The following IGLL5 variants were observed in gnomAD, a reference collection of about 807,000 sequenced individuals.
The protein encoded by IGLL5 is immunoglobulin lambda-like polypeptide 5.
IGLL5 carries 30 observed loss-of-function variants against 20.9 expected under a neutral mutation model. The ratio of observed to expected loss-of-function variants is 1.44; its 90% CI spans 1.07 to 1.95. The LOEUF (loss-of-function observed/expected upper bound fraction) is 1.95, where lower values mean the gene tolerates loss of function less well. Among genes scored for constraint, IGLL5 ranks in the 30% most tolerant of loss-of-function variants. The pLI is 0.00. For missense variants in IGLL5, 475 were observed against 270.7 expected (o/e 1.75, Z -5.30); for synonymous variants, 203 against 117.3 (o/e 1.73, Z -4.72).
At chr22:22,894,072 T>G (rs1281289524) in intron 2 of IGLL5, among the ~76,000 whole-genome samples, 2 of 151,422 alleles carry the variant, frequency 1.3e-5, no homozygotes, top group Admixed American at 6.6e-5. Context: ...GCTCCTCCTC[T>G]CTTCCAGGGC....
chr22:22,893,875 C>G lies in IGLL5; in HGVS notation c.325+57C>G, dbSNP rs1320128955. ...TCACCCTCTGCTGTCCCTGGAAAAT[C>G]TGTTTTCTCTCTCTGGGGCTTCCTC... On this transcript the variant is annotated intron_variant, in intron 2 of 2. Transcript: ENST00000526893. 1.5e-5 allele frequency: 18 copies of G among 1,204,668 alleles called. 1 individual carries two copies. The highest frequency in any genetic ancestry group is 6.0e-5 in the African/African-American group (4 of 66,924). The allele number at this position is 1,204,668 out of a possible 1,614,324, so 74.6% of individuals were successfully genotyped here.
intron 1 of IGLL5, among the ~76,000 whole-genome samples, chr22:22,892,811 G>T (rs1166595525): frequency 2.0e-5 from 3 of 151,116 alleles, no homozygotes; most frequent in Non-Finnish European, 4.4e-5. Flanking sequence ...ACAGAGAGCA[G>T]AACCCAGGGT....
At chr22:22,889,765 G>A (rs1314982158) in intron 1 of IGLL5, among the ~76,000 whole-genome samples, 1 of 151,118 alleles carries the variant, frequency 6.6e-6, no homozygotes. Context: ...TTTTGATTAG[G>A]ATTATTATTA....
rs772259941 is a variant in IGLL5, at chr22:22,895,972, C to A, written c.*278C>A. The A allele has an allele frequency of 1.9e-5, 11 of 569,410 alleles. No homozygotes were observed. The highest frequency in any genetic ancestry group is 4.1e-5 in the South Asian group (2 of 48,930). The allele number at this position is 569,410 out of a possible 1,614,324, so 35.3% of individuals were successfully genotyped here. On this transcript the variant is annotated 3_prime_UTR_variant, in exon 3 of 3. Transcript: ENST00000526893. ...TCACAGCCTCCCTGAGTCATCTCCC[C>A]AGAGGGTCCTTCCTCTCCCAGTCAC...
chr22:22,890,427 T>C (rs2067798639), intron 1 of IGLL5, among the ~76,000 whole-genome samples: 1 of 150,796 alleles, frequency 6.6e-6, no homozygotes, highest in Non-Finnish European at 1.5e-5. Context: ...TGACACTTTC[T>C]GTATCAGTCC....
chr22:22,889,418 T>A (rs148451685), intron 1 of IGLL5, among the ~76,000 whole-genome samples: 2 of 151,260 alleles, frequency 1.3e-5, no homozygotes, highest in Admixed American at 6.6e-5. Flanking sequence ...AACTGGGCAA[T>A]TCCACTTCTA....
intron 1 of IGLL5, among the ~76,000 whole-genome samples, chr22:22,888,755 G>T (rs143604616): frequency 7.3e-5 from 11 of 151,118 alleles, no homozygotes; most frequent in East Asian, 6.1e-4. Flanking sequence ...GCACATAAAT[G>T]CTTACTGGGG....
In IGLL5 at chr22:22,888,007, G is replaced by T. The variant is rs567223608; in HGVS notation, c.-47G>T. 2 of 1,461,500 alleles carry T rather than the reference G, an allele frequency of 1.4e-6. No homozygotes were observed. Among genetic ancestry groups the T allele is most frequent in the Middle Eastern group, 3.5e-4 (2 of 5,754 alleles). The allele number at this position is 1,461,500 out of a possible 1,614,324, so 90.5% of individuals were successfully genotyped here. ...GGACCAGGGCACCGTCCTCCAGGGA[G>T]CCCATGCTGCAAGTCGGGCCAGAGG... On this transcript the variant is annotated 5_prime_UTR_variant, in exon 1 of 3. Coordinates refer to ENST00000526893, the MANE Select transcript of IGLL5 (RefSeq NM_001178126.2).
chr22:22,888,613 T>A (rs111380869), intron 1 of IGLL5, among the ~76,000 whole-genome samples: 3 of 151,180 alleles, frequency 2.0e-5, no homozygotes, highest in East Asian at 4.1e-4. Context: ...CCCCACAGGG[T>A]GCCCAGGCCT....
chr22:22,894,136 C>A (rs138683732), intron 2 of IGLL5, among the ~76,000 whole-genome samples: 2 of 151,510 alleles, frequency 1.3e-5, no homozygotes, highest in Non-Finnish European at 1.5e-5. Flanking sequence ...CTGCAGTGTC[C>A]TTAGGGACAT....
At chr22:22,889,995 A>C (rs192373062) in intron 1 of IGLL5, among the ~76,000 whole-genome samples, 2 of 151,132 alleles carry the variant, frequency 1.3e-5, no homozygotes, top group African/African-American at 4.8e-5. Context: ...ATTTCACCTA[A>C]TTTTAATGTG....
At chr22:22,894,045 G>A (rs549905601) in intron 2 of IGLL5, among the ~76,000 whole-genome samples, 9 of 151,420 alleles carry the variant, frequency 5.9e-5, no homozygotes, top group Middle Eastern at 3.8e-3. Flanking sequence ...CCTGAGCTGG[G>A]ATTGGGCAGG....
chr22:22,895,284 A>C, intron 2 of IGLL5, 91 bp from the exon 3 acceptor site: 1 of 1,240,700 alleles, frequency 8.1e-7, no homozygotes, highest in Non-Finnish European at 1.2e-6. Flanking sequence ...CCACACTGTG[A>C]ACCCTCCCAG....
chr22:22,889,410 C>T (rs1211916835), intron 1 of IGLL5, among the ~76,000 whole-genome samples: 5 of 151,248 alleles, frequency 3.3e-5, no homozygotes, highest in East Asian at 4.1e-4. Context: ...TTTATCTAAA[C>T]TGGGCAATTC....
Position 22,893,727 on chromosome 22 carries a change from A to G in IGLL5, c.234A>G (p.Arg78=), listed in dbSNP as rs200036927. 3 of 1,607,026 alleles carry G rather than the reference A, an allele frequency of 1.9e-6. 1 individual carries two copies. The South Asian group carries it at 3.3e-5, about 18-fold the overall frequency. Residue 78 remains arginine (R), a synonymous_variant, in exon 2 of 3, where the codon AGA becomes AGG. Coordinates refer to ENST00000526893, the MANE Select transcript of IGLL5 (RefSeq NM_001178126.2). The part of the protein sequence containing the change: ...GRLLLQPSPQ[R]ADPRCWPRGF... ...TCCTGCTCCAGCCCAGCCCCCAGAG[A>G]GCAGACCCCAGGTGCTGGCCCCGGG...
intron 1 of IGLL5, among the ~76,000 whole-genome samples, chr22:22,890,166 A>AT: frequency 7.9e-6 from 1 of 125,854 alleles, no homozygotes; most frequent in South Asian, 2.5e-4. Flanking sequence ...TTTTCTTGCC[A>AT]AAAAAAAAAA....
At chr22:22,888,476 T>C (rs552094537) in intron 1 of IGLL5, among the ~76,000 whole-genome samples, 4 of 151,402 alleles carry the variant, frequency 2.6e-5, no homozygotes, top group South Asian at 2.1e-4. Flanking sequence ...TTTTCTTGAT[T>C]TCTGAGTTTT....
At chr22:22,889,614 G>T (rs1218967269) in intron 1 of IGLL5, among the ~76,000 whole-genome samples, 2 of 151,314 alleles carry the variant, frequency 1.3e-5, no homozygotes, top group Admixed American at 1.3e-4. Flanking sequence ...TTTTGAAACA[G>T]TCTTGATCTG....
intron 1 of IGLL5, among the ~76,000 whole-genome samples, chr22:22,889,111 A>AC: frequency 6.6e-6 from 1 of 151,200 alleles, no homozygotes; most frequent in African/African-American, 2.4e-5. Flanking sequence ...GTGTTTTTGG[A>AC]AAAATCAGCA....
Sources: allele counts gnomAD v4.1 joint callset (sites outside exome capture counted in the v4.1 genomes callset), GRCh38; gene constraint gnomAD v4.1.1; transcripts MANE v1.5; gene names NCBI Gene and HGNC (gene_info 2026-07-23, HGNC 2026-07-21).